CSMD1: variants seen among roughly 807,000 people sequenced by gnomAD.
CSMD1 encodes the protein CUB and Sushi multiple domains 1.
CSMD1 carries 213 observed loss-of-function variants against 417.5 expected under a neutral mutation model. The ratio of observed to expected loss-of-function variants is 0.51; its 90% CI spans 0.46 to 0.57. The LOEUF (loss-of-function observed/expected upper bound fraction) is 0.57. Ranked by LOEUF, CSMD1 falls within the 20% of genes least tolerant of loss-of-function variation. The pLI, the probability that CSMD1 is intolerant of heterozygous loss-of-function variation, is 0.00. For missense variants in CSMD1, 6,923 were observed against 4,529.7 expected, an observed-to-expected ratio of 1.53 and a Z score of -15.17; for synonymous variants, 2,862 against 1,736.8, an observed-to-expected ratio of 1.65 and a Z score of -16.11.
At chr8:4,517,628 C>T (rs1369252579) in intron 2 of CSMD1, among the ~76,000 whole-genome samples, 1 of 152,160 alleles carries the variant, frequency 6.6e-6, no homozygotes, top group Non-Finnish European at 1.5e-5. Flanking sequence ...CCTTTAAACA[C>T]CTAAGAGCCA....
chr8:2,949,262 G>T, intron 68 of CSMD1, 37 bp downstream of exon 68: 1 of 1,169,244 alleles, frequency 8.6e-7, no homozygotes, highest in South Asian at 1.3e-5. Flanking sequence ...AAGCCAAACT[G>T]ATATTTGCTT....
chr8:4,068,176 G>C (rs544086682), intron 3 of CSMD1, among the ~76,000 whole-genome samples: 1 of 152,320 alleles, frequency 6.6e-6, no homozygotes, highest in Admixed American at 6.5e-5. Flanking sequence ...GTTTTCTTAG[G>C]AAAGGGGTGG....
At chr8:3,626,363 T>C (rs1584981618) in intron 7 of CSMD1, among the ~76,000 whole-genome samples, 2 of 152,310 alleles carry the variant, frequency 1.3e-5, no homozygotes, top group East Asian at 3.9e-4. Context: ...ATTCATGGTC[T>C]CCTCACAGTG....
At chr8:3,591,895 T>G (rs2117029388) in intron 8 of CSMD1, among the ~76,000 whole-genome samples, 1 of 152,142 alleles carries the variant, frequency 6.6e-6, no homozygotes, top group Non-Finnish European at 1.5e-5. Flanking sequence ...GACAGATAGC[T>G]GGATGGAGGA....
rs887808352 is a variant in CSMD1 at position 4,023,497 on chromosome 8, G to C, written c.610+8408C>G. The stretch of plus-strand genomic sequence containing the variant: ...ATTGCAATGTTGGAATCACAGAAGA[G>C]GAAGTCTAATTACAGGCATACGCTT... On this transcript the variant is annotated intron_variant, in intron 4 of 69. Coordinates refer to ENST00000635120, the MANE Select transcript of CSMD1 (RefSeq NM_033225.6). Among the ~76,000 whole-genome samples, 3 of 152,182 alleles carry C rather than the reference G, an allele frequency of 2.0e-5. No individual in the cohort carries two copies. The East Asian group carries it at 5.8e-4, about 29-fold the overall frequency.
At chr8:2,960,132 A>G (rs1301969441) in intron 62 of CSMD1, among the ~76,000 whole-genome samples, 2 of 152,242 alleles carry the variant, frequency 1.3e-5, no homozygotes, top group African/African-American at 2.4e-5. Flanking sequence ...TGAATCAGTG[A>G]GAGCGACATC....
intron 7 of CSMD1, among the ~76,000 whole-genome samples, chr8:3,689,158 C>G (rs181584758): frequency 2.6e-5 from 4 of 152,156 alleles, no homozygotes; most frequent in African/African-American, 9.7e-5. Flanking sequence ...ACAACGCGCT[C>G]TAAGGTTGGG....
chr8:3,447,818 G>A (rs1815396845), intron 12 of CSMD1, among the ~76,000 whole-genome samples: 1 of 152,146 alleles, frequency 6.6e-6, no homozygotes, highest in African/African-American at 2.4e-5. Flanking sequence ...ACCACTTGGG[G>A]CCATTTTTGG....
At position 4,141,735 on chromosome 8, in the gene CSMD1, C is replaced by T. The variant is rs76589390; in HGVS notation, c.416-109636G>A. The stretch of plus-strand genomic sequence containing the variant: ...GATCTAATAATCTTGCAACTAAAAA[C>T]GGATACAGTGATTCATCCCATGCCA... On this transcript the variant is annotated intron_variant, in intron 3 of 69. Coordinates refer to ENST00000635120, the MANE Select transcript of CSMD1 (RefSeq NM_033225.6). 3.3e-5 allele frequency among the ~76,000 whole-genome samples: 5 copies of T among 150,798 alleles called. 1 individual carries two copies. The highest frequency in any genetic ancestry group is 7.4e-5 in the African/African-American group (3 of 40,400).
At chr8:4,098,698 TAGC>T in intron 3 of CSMD1, among the ~76,000 whole-genome samples, 1 of 152,352 alleles carries the variant, frequency 6.6e-6, no homozygotes, top group East Asian at 1.9e-4. Flanking sequence ...CTCATCTCTG[TAGC>T]ACCTACTCTA....
intron 3 of CSMD1, among the ~76,000 whole-genome samples, chr8:4,371,053 A>G (rs1209783189): frequency 2.6e-5 from 4 of 152,222 alleles, no homozygotes; most frequent in Non-Finnish European, 5.9e-5. Context: ...GTGAAGGCTA[A>G]TCATCATTTC....
Position 2,938,566 on chromosome 8 carries a change from C to A in CSMD1, c.*19G>T, listed in dbSNP as rs1240128809. On this transcript the variant is annotated 3_prime_UTR_variant, in exon 70 of 70. Coordinates refer to ENST00000635120, the MANE Select transcript of CSMD1 (RefSeq NM_033225.6). ...ATCAGAGGTATGGCTATGAATCAGT[C>A]CTGTTGGGGCACTGAGGGCTATACC... 3 of 1,604,816 alleles carry A rather than the reference C, an allele frequency of 1.9e-6. No homozygotes were observed. The highest frequency in any genetic ancestry group is 1.7e-5 in the Admixed American group (1 of 59,048).
intron 21 of CSMD1, among the ~76,000 whole-genome samples, chr8:3,358,855 C>G (rs995280887): frequency 6.6e-6 from 1 of 151,892 alleles, no homozygotes; most frequent in Non-Finnish European, 1.5e-5. Flanking sequence ...GATTTTCTCT[C>G]TCTCCGTATA....
intron 21 of CSMD1, among the ~76,000 whole-genome samples, chr8:3,349,284 C>T (rs549851494): frequency 3.3e-5 from 5 of 152,154 alleles, no homozygotes; most frequent in Admixed American, 1.3e-4. Context: ...TTCTTTCACA[C>T]CCTCCTTCCC....
chr8:3,736,402 C>T (rs1043311676), intron 6 of CSMD1, among the ~76,000 whole-genome samples: 1 of 151,332 alleles, frequency 6.6e-6, no homozygotes, highest in Non-Finnish European at 1.5e-5. Context: ...CACCACCATG[C>T]ATGGCTAATG....
At chr8:3,916,822 T>C (rs1434905624) in intron 5 of CSMD1, among the ~76,000 whole-genome samples, 3 of 151,932 alleles carry the variant, frequency 2.0e-5, no homozygotes. Flanking sequence ...TTATGGGGGG[T>C]GGTCTTAGAT....
intron 1 of CSMD1, among the ~76,000 whole-genome samples, chr8:4,665,961 G>A (rs2617022): frequency 0.61 from 92,463 of 151,982 alleles, 28,421 homozygotes; most frequent in East Asian, 0.73. Context: ...GCCACTCTGC[G>A]TTCCTATTAG....
In CSMD1 at chr8:3,320,884, G is replaced by A. The variant is rs571678660; in HGVS notation, c.3632-12381C>T. On this transcript the variant is annotated intron_variant, in intron 23 of 69. Coordinates refer to ENST00000635120, the MANE Select transcript of CSMD1 (RefSeq NM_033225.6). ...CTGCTTGCCGCACACTTTTGCCCCT[G>A]ACATGCATATTCTGCACCTCACTGA... Among the ~76,000 whole-genome samples the A allele has an allele frequency of 2.0e-5, 3 of 152,284 alleles. No individual in the cohort carries two copies. The South Asian group carries it at 6.2e-4, about 32-fold the overall frequency.
chr8:3,088,508 T>C (rs67421809), intron 48 of CSMD1, among the ~76,000 whole-genome samples: 18,602 of 152,166 alleles, frequency 0.12, 1,491 homozygotes, highest in Non-Finnish European at 0.18. Flanking sequence ...TTCTGAAGGT[T>C]TTCTATCATA....
Sources: gnomAD v4.1 joint callset for allele counts (sites outside exome capture counted in the v4.1 genomes callset) on GRCh38, gnomAD v4.1.1 for gene constraint, MANE v1.5 for transcripts, NCBI Gene and HGNC (gene_info 2026-07-23, HGNC 2026-07-21) for gene names.